TTN: variants seen among roughly 807,000 people sequenced by gnomAD.
TTN encodes connectin.
A neutral mutation model predicts 3,223.0 loss-of-function variants in TTN; 1,525 were observed. The observed-to-expected ratio is 0.47, with a 90% CI of 0.45 to 0.49. The LOEUF (loss-of-function observed/expected upper bound fraction) is 0.49. TTN is among the 20% of genes least tolerant of loss of function. The pLI is 0.00. For missense variants in TTN, 40,786 were observed against 43,424.0 expected (o/e 0.94, Z 5.40); for synonymous variants, 14,094 against 15,161.0 (o/e 0.93, Z 5.17).
chr2:178,588,293 C>A, intron 304 of TTN, 74 bp from the exon 305 acceptor site: 1 of 1,366,610 alleles, frequency 7.3e-7, no homozygotes, highest in South Asian at 1.6e-5. Context: ...AGCCTATTCT[C>A]AGTTAATCAA....
At chr2:178,706,825 G>A in intron 101 of TTN, 37 bp downstream of exon 101, 1 of 1,608,978 alleles carries the variant, frequency 6.2e-7, no homozygotes, top group South Asian at 1.1e-5. Flanking sequence ...AAAGGTATAA[G>A]ATAGATGAAG....
In TTN at chr2:178,584,571, A is replaced by C. The variant is rs941610426; in HGVS notation, c.64980T>G (p.Pro21660=). Residue 21660 remains proline (P), a synonymous_variant, in exon 311 of 363, where the codon CCT becomes CCG. Transcript: ENST00000589042. The part of the protein sequence containing the change: ...KMVAQFPFGV[P]SEPKNARVTK... ...TGACTCGTGCATTCTTTGGTTCACT[A>C]GGAACACCTGGAGATGAAGACAAGG... The C allele has an allele frequency of 4.3e-6, 7 of 1,611,954 alleles. No homozygotes were observed. The highest frequency in any genetic ancestry group is 5.9e-6 in the Non-Finnish European group (7 of 1,178,660).
intron 90 of TTN, 140 bp from the exon 91 acceptor site, chr2:178,714,713 G>T: frequency 9.7e-7 from 1 of 1,030,858 alleles, no homozygotes; most frequent in Middle Eastern, 3.1e-4. Context: ...TGCGAGCAGG[G>T]ACACATTAAA....
Position 178,562,817 on chromosome 2 carries a change from T to A in TTN, c.83315A>T (p.Asn27772Ile), listed in dbSNP as rs578191491. 562 of 1,613,114 alleles carry A rather than the reference T, an allele frequency of 3.5e-4. 6 individuals carry two copies. In the Admixed American group the frequency reaches 4.9e-3, roughly 14 times the overall value. Residue 27772 changes from asparagine (N) to isoleucine (I), a missense_variant, in exon 326 of 363, where the codon AAT (asparagine) becomes ATT (isoleucine). Transcript: ENST00000589042. Reference sequence around the variant, plus strand: ...TTTCTTCACTTCTCTTATGGTCAAATTCACAGGGGCACTTGGTGAGTCAAG... The same window carrying A: ...TTTCTTCACTTCTCTTATGGTCAAAATCACAGGGGCACTTGGTGAGTCAAG... ...RVLDSPSAPV[N>I]LTIREVKKDS...
intron 127 of TTN, among the ~76,000 whole-genome samples, chr2:178,686,031 C>T (rs1027106903): frequency 1.3e-5 from 2 of 151,802 alleles, no homozygotes; most frequent in African/African-American, 4.9e-5. Flanking sequence ...ATATTGTTTT[C>T]CCCGCCAGTT....
At chr2:178,681,815 A>G in intron 135 of TTN, 77 bp from the exon 136 acceptor site, 1 of 1,260,020 alleles carries the variant, frequency 7.9e-7, no homozygotes, top group Middle Eastern at 1.9e-4. Context: ...GAATCAAATA[A>G]TTGAAATAAT....
chr2:178,529,605 T>TA (rs1341196149), intron 359 of TTN, among the ~76,000 whole-genome samples: 2 of 152,246 alleles, frequency 1.3e-5, no homozygotes, highest in African/African-American at 4.8e-5. Context: ...GTTCTTTAAT[T>TA]AACTTTGCAC....
chr2:178,535,310 C>T lies in TTN; in HGVS notation c.101305G>A (p.Gly33769Ser). 1 of 1,613,864 alleles carries T rather than the reference C, an allele frequency of 6.2e-7. No individual in the cohort carries two copies. The highest frequency in any genetic ancestry group is 8.5e-7 in the Non-Finnish European group (1 of 1,179,844). The change falls in exon 358 of 363, where the codon GGT becomes AGT. Residue 33769 changes from glycine (G) to serine (S), a missense_variant. Physicochemically the swap from Gly to Ser is moderately conservative, Grantham distance 56. Coordinates refer to ENST00000589042, the MANE Select transcript of TTN (RefSeq NM_001267550.2). ...QFRVIAENKFGLSKPSEPSEP... is the reference protein window; with the variant it reads ...QFRVIAENKFSLSKPSEPSEP... ...GAAGGCTCTGAAGGCTTGCTCAGAC[C>T]AAATTTATTTTCAGCTATTACCCGG...
chr2:178,564,018 G>T lies in TTN; in HGVS notation c.82114C>A (p.Pro27372Thr), dbSNP rs1287205407. 1 of 1,613,676 alleles carries T rather than the reference G, an allele frequency of 6.2e-7. No homozygotes were observed. Among genetic ancestry groups the T allele is most frequent in the Non-Finnish European group, 8.5e-7 (1 of 1,179,728 alleles). The change falls in exon 326 of 363, where the codon CCT becomes ACT. Residue 27372 changes from proline (P) to threonine (T), a missense_variant. Transcript: ENST00000589042. ...GTAACTTTCAGAGGCCCTTCAGGAG[G>T]CCCTGGCCTGTCAAGTACCTTTACA... ...ITVKVLDRPG[P>T]PEGPLKVTGV... is the part of the protein sequence containing the mutation.
chr2:178,620,458 T>G lies in TTN; in HGVS notation c.46063A>C (p.Lys15355Gln). Residue 15355 changes from lysine (K) to glutamine (Q), a missense_variant, in exon 248 of 363, where the codon AAG becomes CAG. Lys to Gln is a moderately conservative substitution (Grantham distance 53, BLOSUM62 1). Coordinates refer to ENST00000589042, the MANE Select transcript of TTN (RefSeq NM_001267550.2). ...NRVSYRVDKYKHMLTIKDCGF... is the reference protein window; with the variant it reads ...NRVSYRVDKYQHMLTIKDCGF... ...CAGTCTTTAATGGTTAACATGTGCT[T>G]GTACTTATCAACTCTGTATGAGACA... 2 of 1,612,430 alleles carry G rather than the reference T, an allele frequency of 1.2e-6. No homozygotes were observed. The highest frequency in any genetic ancestry group is 1.7e-6 in the Non-Finnish European group (2 of 1,178,984).
In TTN at chr2:178,587,708, G is replaced by T. The variant is rs764243269; in HGVS notation, c.63601C>A (p.Arg21201=). ...PIRLFAIVRG[R]PAPKVTWRKV... ...CGCCAAGTGACTTTAGGGGCTGGTC[G>T]TCCTCTCACTATAGCAAAGAGACGA... is the stretch of plus-strand genomic sequence containing the variant. The change falls in exon 306 of 363, where the codon CGA becomes AGA. Residue 21201 remains arginine, a synonymous_variant. Coordinates refer to ENST00000589042, the MANE Select transcript of TTN (RefSeq NM_001267550.2). 5.6e-6 allele frequency: 9 copies of T among 1,612,686 alleles called. No homozygotes were observed. The highest frequency in any genetic ancestry group is 5.0e-5 in the Admixed American group (3 of 59,916).
In TTN at chr2:178,532,106, G is replaced by A; in HGVS notation, c.104509C>T (p.Leu34837=). The A allele has an allele frequency of 1.2e-6, 2 of 1,613,956 alleles. No homozygotes were observed. Among genetic ancestry groups the A allele is most frequent in the East Asian group, 2.2e-5 (1 of 44,884 alleles). Residue 34837 remains leucine (L), a synonymous_variant, in exon 358 of 363, where the codon CTG becomes TTG. Coordinates refer to ENST00000589042, the MANE Select transcript of TTN (RefSeq NM_001267550.2). ...GGAGACAGGGAGCGCCGTCGTCTCAGTAGTCTAGACGCAGATGAGGATGAT... is the reference window on the plus strand; with the variant it reads ...GGAGACAGGGAGCGCCGTCGTCTCAATAGTCTAGACGCAGATGAGGATGAT... The part of the protein sequence containing the change: ...RESSSSASRL[L]RRRRSLSPTY...
Position 178,562,861 on chromosome 2 carries a change from A to C in TTN, c.83271T>G (p.Ala27757=). Residue 27757 remains alanine (A), a synonymous_variant, in exon 326 of 363, where the codon GCT becomes GCG. Transcript: ENST00000589042. ...TLENNSGSKT[A]FVNVRVLDSP... Reference sequence around the variant, plus strand: ...AGTCAAGAACTCTGACGTTAACAAAAGCTGTTTTGGAGCCACTATTATTTT... The same window carrying C: ...AGTCAAGAACTCTGACGTTAACAAACGCTGTTTTGGAGCCACTATTATTTT... 1 of 1,613,050 alleles carries C rather than the reference A, an allele frequency of 6.2e-7. No homozygotes were observed. Among genetic ancestry groups the C allele is most frequent in the Non-Finnish European group, 8.5e-7 (1 of 1,179,494 alleles).
rs193086479 is a variant in TTN, at chr2:178,620,981, A to T, written c.45629T>A (p.Ile15210Asn). 6.2e-7 allele frequency: 1 copy of T among 1,609,964 alleles called. No individual in the cohort carries two copies. Among genetic ancestry groups the T allele is most frequent in the East Asian group, 2.2e-5 (1 of 44,622 alleles). The change falls in exon 247 of 363, where the codon ATC (isoleucine) becomes AAC (asparagine). Residue 15210 changes from isoleucine to asparagine, a missense_variant. Transcript: ENST00000589042. Reference sequence around the variant, plus strand: ...CCGGGTGTCCTTAAGAGGAACTACGATCCTGAGTTTTTCTGAAAGCAACCG... The same window carrying T: ...CCGGGTGTCCTTAAGAGGAACTACGTTCCTGAGTTTTTCTGAAAGCAACCG... Reference protein sequence around the residue: ...AHLTVIEKLRIVVPLKDTRVK... With the variant: ...AHLTVIEKLRNVVPLKDTRVK...
rs200621611 is a variant in TTN, at chr2:178,549,036, C to T, written c.92590G>A (p.Asp30864Asn). ...IGYIIEMCKA[D>N]LGDWHKVNAE... Reference sequence around the variant, plus strand: ...TTCACCTTGTGCCAGTCTCCTAAGTCGGCCTTACACATTTCAATAATATAC... The same window carrying T: ...TTCACCTTGTGCCAGTCTCCTAAGTTGGCCTTACACATTTCAATAATATAC... The change falls in exon 339 of 363, where the codon GAC becomes AAC. Residue 30864 changes from aspartate to asparagine, a missense_variant. By Grantham distance (23) the Asp-to-Asn change is conservative. Transcript: ENST00000589042. 6.9e-5 allele frequency: 111 copies of T among 1,613,884 alleles called. No homozygotes were observed. Among genetic ancestry groups the T allele is most frequent in the Non-Finnish European group, 7.3e-5 (86 of 1,179,838 alleles).
rs1436729159 is a variant in TTN, at chr2:178,555,090, A to T, written c.88369T>A (p.Ser29457Thr). The change falls in exon 331 of 363, where the codon TCT becomes ACT. Residue 29457 changes from serine (S) to threonine (T), a missense_variant. By Grantham distance (58) the Ser-to-Thr change is moderately conservative (BLOSUM62 1). Transcript: ENST00000589042. ...GAAATGCCAGCTCTGAGCTTCACAG[A>T]TGTACCTGCTCTGTATTTGACAACT... ...TEVVKYRAGT[S>T]VKLRAGISGK... 1 of 1,613,720 alleles carries T rather than the reference A, an allele frequency of 6.2e-7. No individual in the cohort carries two copies. Among genetic ancestry groups the T allele is most frequent in the East Asian group, 2.2e-5 (1 of 44,850 alleles).
Position 178,533,757 on chromosome 2 carries a change from C to G in TTN, c.102858G>C (p.Glu34286Asp). The G allele has an allele frequency of 6.2e-7, 1 of 1,613,948 alleles. No homozygotes were observed. Among genetic ancestry groups the G allele is most frequent in the Non-Finnish European group, 8.5e-7 (1 of 1,179,864 alleles). ...CTGATTTATACCATGTTACATGAGG[C>G]TCTGGGTGGACAGTTATAGTTACTC... ...RFGVTITVHPEPHVTWYKSGQ... is the reference protein window; with the variant it reads ...RFGVTITVHPDPHVTWYKSGQ... Residue 34286 changes from glutamate to aspartate, a missense_variant, in exon 358 of 363, where the codon GAG becomes GAC. By Grantham distance (45) the Glu-to-Asp change is conservative. Coordinates refer to ENST00000589042, the MANE Select transcript of TTN (RefSeq NM_001267550.2).
rs776218040 is a variant in TTN, at chr2:178,706,511, A to C, written c.29363T>G (p.Val9788Gly). ...TTTCTCTTGTTTCTTCCTTTCATCC[A>C]CCTGTAAGTTAACATTACTTTCAAT... Reference protein sequence around the residue: ...GEIESNVNLQVDERKKQEKIE... With the variant: ...GEIESNVNLQGDERKKQEKIE... The change falls in exon 102 of 363, where the codon GTG becomes GGG. Residue 9788 changes from valine to glycine, a missense_variant. Transcript: ENST00000589042. 1.2e-6 allele frequency: 2 copies of C among 1,613,536 alleles called. No homozygotes were observed. The highest frequency in any genetic ancestry group is 1.3e-5 in the African/African-American group (1 of 74,814).
Position 178,651,662 on chromosome 2 carries a change from A to C in TTN, c.39463+4T>G, listed in dbSNP as rs1408996231. ...GTTAGGGAGTTAGTGGCAGTGAGGA[A>C]TACCTTTCACTGGTGGTAGTTCAGG... On this transcript the variant is annotated splice_donor_region_variant and intron_variant, in intron 206 of 362. Coordinates refer to ENST00000589042, the MANE Select transcript of TTN (RefSeq NM_001267550.2). 2 of 1,613,222 alleles carry C rather than the reference A, an allele frequency of 1.2e-6. No homozygotes were observed. The highest frequency in any genetic ancestry group is 1.7e-5 in the Admixed American group (1 of 59,890).
Sources: gnomAD v4.1 joint callset for allele counts (sites outside exome capture counted in the v4.1 genomes callset) on GRCh38, gnomAD v4.1.1 for gene constraint, MANE v1.5 for transcripts, NCBI Gene and HGNC (gene_info 2026-07-23, HGNC 2026-07-21) for gene names.